Variants in NAALADL2 observed in about 807,000 individuals in gnomAD.
NAALADL2 encodes inactive N-acetylated-alpha-linked acidic dipeptidase-like protein 2.
A neutral mutation model predicts 87.2 loss-of-function variants in NAALADL2; 76 were observed. That is an observed-to-expected ratio of 0.87 (90% CI 0.72 to 1.05). The LOEUF is 1.05. Among genes scored for constraint, NAALADL2 ranks in the 50% least tolerant of loss-of-function variants. The probability of loss-of-function intolerance (pLI) is 0.00; values close to 1 mark genes in which losing one functional copy is unlikely to be tolerated. For missense variants in NAALADL2, 1,089 were observed against 945.8 expected (o/e 1.15, Z -1.99); for synonymous variants, 354 against 331.0 (o/e 1.07, Z -0.75).
At chr3:175,342,505 C>CATGT (rs1762666937) in intron 5 of NAALADL2, among the ~76,000 whole-genome samples, 1 of 146,620 alleles carries the variant, frequency 6.8e-6, no homozygotes. Context: ...CCAAATATTG[C>CATGT]GTGTGTGTGT....
chr3:174,811,974 C>A (rs755934396), intron 3 of NAALADL2, among the ~76,000 whole-genome samples: 3 of 152,218 alleles, frequency 2.0e-5, no homozygotes, highest in Non-Finnish European at 4.4e-5. Context: ...CCCTCTTTCT[C>A]TCTTGGTCTT....
At chr3:175,142,490 G>A (rs74393280) in intron 2 of NAALADL2, among the ~76,000 whole-genome samples, 3,805 of 152,002 alleles carry the variant, frequency 0.025, 93 homozygotes, top group Admixed American at 0.052. Context: ...ATGAGAAAAC[G>A]TAGTTACAAG....
At chr3:175,107,170 A>C (rs1723309709) in intron 2 of NAALADL2, among the ~76,000 whole-genome samples, 1 of 152,038 alleles carries the variant, frequency 6.6e-6, no homozygotes, top group African/African-American at 2.4e-5. Flanking sequence ...ATGGTATCAA[A>C]TGTTTGGTCA....
chr3:175,059,026 G>A (rs1712852181), intron 1 of NAALADL2, among the ~76,000 whole-genome samples: 1 of 152,118 alleles, frequency 6.6e-6, no homozygotes, highest in Non-Finnish European at 1.5e-5. Flanking sequence ...TTTATAATGG[G>A]TTTCTTCTGG....
chr3:174,526,992 T>G (rs1262490518), intron 1 of NAALADL2, among the ~76,000 whole-genome samples: 1 of 152,124 alleles, frequency 6.6e-6, no homozygotes, highest in Non-Finnish European at 1.5e-5. Context: ...TTTTTATTAG[T>G]AGTTTATCAC....
intron 5 of NAALADL2, among the ~76,000 whole-genome samples, chr3:175,428,262 A>T (rs1717157498): frequency 6.6e-6 from 1 of 152,136 alleles, no homozygotes; most frequent in African/African-American, 2.4e-5. Flanking sequence ...AGATAGCTAG[A>T]AAATGGGAAG....
At chr3:175,690,683 T>G (rs2149914805) in intron 11 of NAALADL2, among the ~76,000 whole-genome samples, 1 of 152,094 alleles carries the variant, frequency 6.6e-6, no homozygotes, top group Non-Finnish European at 1.5e-5. Flanking sequence ...AGAAAATGAG[T>G]GTTTAGGAAC....
At chr3:174,598,807 G>T (rs904270626) in intron 2 of NAALADL2, among the ~76,000 whole-genome samples, 15 of 152,128 alleles carry the variant, frequency 9.9e-5, no homozygotes, top group African/African-American at 3.6e-4. Flanking sequence ...GATATACTTA[G>T]CCATCATATG....
intron 3 of NAALADL2, among the ~76,000 whole-genome samples, chr3:175,253,573 A>G (rs1749425799): frequency 6.6e-6 from 1 of 152,184 alleles, no homozygotes; most frequent in Non-Finnish European, 1.5e-5. Context: ...TCAACTTTCA[A>G]GTCTTATTAT....
At chr3:175,575,548 G>A (rs990880285) in intron 9 of NAALADL2, among the ~76,000 whole-genome samples, 1 of 152,002 alleles carries the variant, frequency 6.6e-6, no homozygotes, top group East Asian at 1.9e-4. Context: ...GCCTCCCAAA[G>A]TGCTGGGATT....
chr3:175,715,213 T>A (rs1448480415), intron 11 of NAALADL2, among the ~76,000 whole-genome samples: 1 of 152,118 alleles, frequency 6.6e-6, no homozygotes, highest in East Asian at 1.9e-4. Context: ...TGTGGACAGA[T>A]CCAGGGTTAA....
chr3:175,560,055 G>T (rs1716016788), intron 9 of NAALADL2, among the ~76,000 whole-genome samples: 1 of 152,172 alleles, frequency 6.6e-6, no homozygotes, highest in Non-Finnish European at 1.5e-5. Flanking sequence ...CAGCAGTAAA[G>T]CCATGGAGTC....
intron 1 of NAALADL2, among the ~76,000 whole-genome samples, chr3:174,917,294 A>G (rs1312219105): frequency 6.6e-6 from 1 of 152,160 alleles, no homozygotes; most frequent in Non-Finnish European, 1.5e-5. Context: ...TTGATGAAAC[A>G]ATTCAAAGAC....
At chr3:175,094,137 T>G (rs1298307129) in intron 1 of NAALADL2, among the ~76,000 whole-genome samples, 6 of 150,786 alleles carry the variant, frequency 4.0e-5, no homozygotes, top group Non-Finnish European at 8.9e-5. Flanking sequence ...AAAAAAAACC[T>G]TTAGAGAGAG....
At chr3:175,697,400 GAC>G (rs57471272) in intron 11 of NAALADL2, among the ~76,000 whole-genome samples, 8,033 of 145,010 alleles carry the variant, frequency 0.055, 591 homozygotes, top group African/African-American at 0.17. Context: ...GCTGCACACA[GAC>G]ACACACACAC....
In NAALADL2 at chr3:175,252,328, G is replaced by A. The variant is rs143463540; in HGVS notation, c.820-4083G>A. On this transcript the variant is annotated intron_variant, in intron 3 of 13. Transcript: ENST00000454872. ...AATCTTTTTCATTATGGTTATATGT[G>A]TTAGGGTTATCTGTGATCAGTAATC... Among the ~76,000 whole-genome samples the A allele has an allele frequency of 1.9e-3, 293 of 152,204 alleles. 2 individuals are homozygous for A. The highest frequency in any genetic ancestry group is 0.01 in the Middle Eastern group (3 of 294).
chr3:175,414,967 C>T (rs115470514), intron 5 of NAALADL2, among the ~76,000 whole-genome samples: 2,910 of 152,264 alleles, frequency 0.019, 97 homozygotes, highest in African/African-American at 0.066. Flanking sequence ...AACATTACAA[C>T]TGATCAAAAG....
At chr3:175,131,518 A>G (rs1241478784) in intron 2 of NAALADL2, among the ~76,000 whole-genome samples, 12 of 152,158 alleles carry the variant, frequency 7.9e-5, no homozygotes, top group African/African-American at 2.9e-4. Flanking sequence ...ACAGAGCAAA[A>G]TGAAAAGTCT....
chr3:175,064,877 A>G (rs1714250112), intron 1 of NAALADL2, among the ~76,000 whole-genome samples: 1 of 152,144 alleles, frequency 6.6e-6, no homozygotes, highest in Non-Finnish European at 1.5e-5. Context: ...CAAAACTCCA[A>G]CTAAACTGGC....
Sources: gnomAD v4.1 joint callset for allele counts (sites outside exome capture counted in the v4.1 genomes callset) on GRCh38, gnomAD v4.1.1 for gene constraint, MANE v1.5 for transcripts, NCBI Gene and HGNC (gene_info 2026-07-23, HGNC 2026-07-21) for gene names.